Variants in PCDH15 observed in about 807,000 individuals in gnomAD.
PCDH15 encodes the protein protocadherin-15.
Under a neutral mutation model 178.5 loss-of-function variants are expected in PCDH15, and 129 were observed. The ratio of observed to expected loss-of-function variants is 0.72; its 90% CI spans 0.63 to 0.84. The LOEUF (loss-of-function observed/expected upper bound fraction) is 0.84. Among genes scored for constraint, PCDH15 ranks in the 40% least tolerant of loss-of-function variants. The pLI is 0.00. For missense variants in PCDH15, 2,230 were observed against 2,099.9 expected, an observed-to-expected ratio of 1.06 and a Z score of -1.21; for synonymous variants, 800 against 732.0, an observed-to-expected ratio of 1.09 and a Z score of -1.50.
chr10:54,726,964 G>T (rs1314509059), intron 1 of PCDH15, among the ~76,000 whole-genome samples: 3 of 150,774 alleles, frequency 2.0e-5, no homozygotes, highest in Admixed American at 6.7e-5. Flanking sequence ...GAGAGAGATT[G>T]CAAGAAACTT....
At chr10:54,365,425 G>C (rs1412569663) in intron 5 of PCDH15, among the ~76,000 whole-genome samples, 1 of 151,878 alleles carries the variant, frequency 6.6e-6, no homozygotes, top group Non-Finnish European at 1.5e-5. Flanking sequence ...GTTCCTTCCT[G>C]TCTGCCTCAG....
intron 3 of PCDH15, among the ~76,000 whole-genome samples, chr10:54,401,540 C>A (rs1951932559): frequency 6.6e-6 from 1 of 151,580 alleles, no homozygotes; most frequent in African/African-American, 2.4e-5. Flanking sequence ...ACACCAAATA[C>A]CCGTCAAATA....
At chr10:53,969,239 A>G (rs1333361815) in intron 21 of PCDH15, among the ~76,000 whole-genome samples, 1 of 152,248 alleles carries the variant, frequency 6.6e-6, no homozygotes, top group Non-Finnish European at 1.5e-5. Context: ...GATTTGATCA[A>G]GTGGAAGAAA....
chr10:55,449,757 G>A (rs1839393928), intron 2 of PCDH15, among the ~76,000 whole-genome samples: 1 of 151,858 alleles, frequency 6.6e-6, no homozygotes, highest in Non-Finnish European at 1.5e-5. Flanking sequence ...TGTCTTTCAG[G>A]CTTCTCATTT....
At chr10:54,257,397 TGTC>T (rs2056990393) in intron 8 of PCDH15, among the ~76,000 whole-genome samples, 1 of 114,548 alleles carries the variant, frequency 8.7e-6, no homozygotes, top group South Asian at 2.8e-4. Flanking sequence ...TAAAGAGAAT[TGTC>T]TTCTTTTTTT....
intron 3 of PCDH15, among the ~76,000 whole-genome samples, chr10:54,484,391 T>C (rs1163717291): frequency 2.6e-5 from 4 of 151,940 alleles, no homozygotes; most frequent in Non-Finnish European, 4.4e-5. Flanking sequence ...ACATTCATAA[T>C]GGAATTCCCC....
chr10:54,095,754 G>GA (rs2094688695), intron 15 of PCDH15, among the ~76,000 whole-genome samples: 2 of 152,032 alleles, frequency 1.3e-5, no homozygotes, highest in African/African-American at 4.8e-5. Flanking sequence ...TCCTTAATAG[G>GA]AAAAATACCT....
At chr10:54,913,181 G>T (rs990890921) in intron 2 of PCDH15, among the ~76,000 whole-genome samples, 1 of 152,172 alleles carries the variant, frequency 6.6e-6, no homozygotes, top group Non-Finnish European at 1.5e-5. Context: ...CCAAGACAAT[G>T]GGGAAAATGC....
At chr10:54,405,784 TA>T (rs1243497129) in intron 3 of PCDH15, among the ~76,000 whole-genome samples, 1 of 151,458 alleles carries the variant, frequency 6.6e-6, no homozygotes, top group East Asian at 1.9e-4. Flanking sequence ...TGTATAAGAA[TA>T]TATACAAAAT....
chr10:54,698,016 A>T (rs1177777147), intron 1 of PCDH15, among the ~76,000 whole-genome samples: 2 of 151,960 alleles, frequency 1.3e-5, no homozygotes, highest in Non-Finnish European at 2.9e-5. Context: ...TTAATATAGT[A>T]TGGGTGGTAT....
At chr10:54,950,496 T>C (rs899838538) in intron 2 of PCDH15, among the ~76,000 whole-genome samples, 3 of 152,036 alleles carry the variant, frequency 2.0e-5, no homozygotes, top group African/African-American at 7.2e-5. Context: ...GCCATCCACG[T>C]AAGATGTAAC....
intron 2 of PCDH15, among the ~76,000 whole-genome samples, chr10:55,507,551 A>T (rs2132147198): frequency 6.6e-6 from 1 of 151,608 alleles, no homozygotes; most frequent in Admixed American, 6.6e-5. Flanking sequence ...TTTCTTTTTA[A>T]TTTTTTAATT....
In PCDH15 at chr10:53,812,238, C is replaced by T. The variant is rs556216341; in HGVS notation, c.4492-619G>A. Among the ~76,000 whole-genome samples the T allele has an allele frequency of 2.4e-4, 37 of 152,252 alleles. No homozygotes were observed. The South Asian group carries it at 5.6e-3, about 23-fold the overall frequency. ...GTTTTGTTTTTTTGAGACGGAGTCT[C>T]GCTGAGTCGCCCAGGCTGGAGTGCA... On this transcript the variant is annotated intron_variant, in intron 35 of 37. Coordinates refer to ENST00000644397, the MANE Select transcript of PCDH15 (RefSeq NM_001384140.1).
intron 2 of PCDH15, among the ~76,000 whole-genome samples, chr10:55,161,588 T>C (rs1292268076): frequency 1.3e-5 from 2 of 152,142 alleles, no homozygotes; most frequent in South Asian, 2.1e-4. Flanking sequence ...AGAAAAACTT[T>C]GCAAACTGTT....
At chr10:53,825,266 A>G in intron 32 of PCDH15, 1 of 1,145,062 alleles carries the variant, frequency 8.7e-7, no homozygotes, top group Non-Finnish European at 1.1e-6. Context: ...CTTAGTACGT[A>G]TATCAAAAAA....
At position 55,533,118 on chromosome 10, in the gene PCDH15, C is replaced by A. The variant is rs372698300; in HGVS notation, c.-156+94507G>T. Among the ~76,000 whole-genome samples, 8 of 152,172 alleles carry A rather than the reference C, an allele frequency of 5.3e-5. No individual in the cohort carries two copies. In the South Asian group the frequency reaches 6.2e-4, roughly 12 times the overall value. ...CCATTTATGACAGACGCACACCCAA[C>A]ATCATACTGAATGGGCAAAAGCTGA... On this transcript the variant is annotated intron_variant, in intron 2 of 5. Transcript: ENST00000613346.
chr10:53,821,389 A>G (rs1008657203), intron 32 of PCDH15: 73 of 994,958 alleles, frequency 7.3e-5, no homozygotes, highest in Non-Finnish European at 7.9e-5. Context: ...ATTTCTTCTT[A>G]CCAAATACAT....
At chr10:55,040,832 A>ATT (rs575084322) in intron 2 of PCDH15, among the ~76,000 whole-genome samples, 4 of 151,982 alleles carry the variant, frequency 2.6e-5, no homozygotes, top group African/African-American at 7.2e-5. Flanking sequence ...CTATTTTATG[A>ATT]CTTTTTTCTC....
rs145117874 is a variant in PCDH15 at position 54,432,613 on chromosome 10, A to C, written c.158-53671T>G. 1.1e-3 allele frequency among the ~76,000 whole-genome samples: 162 copies of C among 152,274 alleles called. 1 individual carries two copies. In the East Asian group the frequency reaches 0.03, roughly 28 times the overall value. On this transcript the variant is annotated intron_variant, in intron 3 of 37. Coordinates refer to ENST00000644397, the MANE Select transcript of PCDH15 (RefSeq NM_001384140.1). ...TTAAAGACTGAAATCTAAGACTTCA[A>C]ACTATGAAACTACTACAAAAAATTG...
Sources: gnomAD v4.1 joint callset for allele counts (sites outside exome capture counted in the v4.1 genomes callset) on GRCh38, gnomAD v4.1.1 for gene constraint, MANE v1.5 for transcripts, NCBI Gene and HGNC (gene_info 2026-07-23, HGNC 2026-07-21) for gene names.